Variants in CAMK1D observed in about 807,000 individuals in gnomAD.
CAMK1D encodes calcium/calmodulin-dependent protein kinase type 1D.
CAMK1D carries 9 observed loss-of-function variants against 47.7 expected under a neutral mutation model. The observed-to-expected ratio is 0.19, with a 90% CI of 0.11 to 0.33. The LOEUF is 0.33. CAMK1D is among the 10% of genes least tolerant of loss of function. The pLI, the probability that CAMK1D is intolerant of heterozygous loss-of-function variation, is 1.00. For missense variants in CAMK1D, 291 were observed against 488.7 expected (o/e 0.60, Z 3.81); for synonymous variants, 184 against 184.9 (o/e 0.99, Z 0.04).
At chr10:12,721,428 TG>T (rs1461691666) in intron 3 of CAMK1D, among the ~76,000 whole-genome samples, 7 of 152,188 alleles carry the variant, frequency 4.6e-5, no homozygotes, top group Non-Finnish European at 1.0e-4. Context: ...TTAGCACTGT[TG>T]GGAGCAGATC....
intron 1 of CAMK1D, among the ~76,000 whole-genome samples, chr10:12,502,762 C>T (rs2399844): frequency 0.25 from 38,184 of 152,140 alleles, 4,965 homozygotes; most frequent in East Asian, 0.3. Flanking sequence ...AGGCAGAGCG[C>T]TGGGAAGGAG....
chr10:12,641,750 A>C (rs1174259058), intron 2 of CAMK1D, among the ~76,000 whole-genome samples: 4 of 152,196 alleles, frequency 2.6e-5, no homozygotes, highest in African/African-American at 9.6e-5. Context: ...AAACCTTAAG[A>C]AAAGGACGCA....
At chr10:12,810,933 T>C (rs191191110) in intron 6 of CAMK1D, among the ~76,000 whole-genome samples, 3 of 152,314 alleles carry the variant, frequency 2.0e-5, no homozygotes, top group Admixed American at 2.0e-4. Flanking sequence ...CTGGGCCTCA[T>C]TGCAGCTGAG....
At chr10:12,757,048 T>G (rs1836263230) in intron 3 of CAMK1D, among the ~76,000 whole-genome samples, 1 of 152,254 alleles carries the variant, frequency 6.6e-6, no homozygotes, top group Non-Finnish European at 1.5e-5. Flanking sequence ...TTCTGCTTCC[T>G]TAATCTTTGC....
intron 2 of CAMK1D, among the ~76,000 whole-genome samples, chr10:12,568,093 C>CTGCCTGCCCTCCCACCTTGCT (rs1837181204): frequency 6.7e-6 from 1 of 150,244 alleles, no homozygotes; most frequent in South Asian, 2.2e-4. Flanking sequence ...CCCACCTTGC[C>CTGCCTGCCCTCCCACCTTGCT]TGCCTGTCTG....
chr10:12,769,108 C>T (rs1055789435), intron 4 of CAMK1D, among the ~76,000 whole-genome samples: 7 of 152,190 alleles, frequency 4.6e-5, no homozygotes, highest in African/African-American at 9.6e-5. Flanking sequence ...GGAAGTGCTG[C>T]GTCTTCCAAT....
chr10:12,765,958 CTTTTTTTTTTTTTT>C (rs147498267), intron 4 of CAMK1D, among the ~76,000 whole-genome samples: 1 of 86,506 alleles, frequency 1.2e-5, no homozygotes, highest in Non-Finnish European at 2.2e-5. Flanking sequence ...CCATCCTAAT[CTTTTTTTTTTTTTT>C]TTTTTTTTTT....
intron 2 of CAMK1D, among the ~76,000 whole-genome samples, chr10:12,651,932 C>G (rs1217514939): frequency 6.6e-6 from 1 of 151,994 alleles, no homozygotes; most frequent in African/African-American, 2.4e-5. Flanking sequence ...GTGCCCGCCA[C>G]CACGCCCCGC....
chr10:12,741,300 A>G (rs1442792702), intron 3 of CAMK1D, among the ~76,000 whole-genome samples: 1 of 152,188 alleles, frequency 6.6e-6, no homozygotes, highest in Non-Finnish European at 1.5e-5. Context: ...TGCTCTTGTA[A>G]CAGTTACGAA....
At chr10:12,525,534 A>T (rs1476174738) in intron 1 of CAMK1D, among the ~76,000 whole-genome samples, 1 of 152,092 alleles carries the variant, frequency 6.6e-6, no homozygotes, top group Non-Finnish European at 1.5e-5. Context: ...AAAAAATTTC[A>T]ATTATTCTGT....
chr10:12,448,873 C>T (rs376798483), intron 1 of CAMK1D, among the ~76,000 whole-genome samples: 14 of 152,088 alleles, frequency 9.2e-5, no homozygotes, highest in African/African-American at 2.2e-4. Context: ...CGCTGACTGT[C>T]GTGTAGGGCT....
At chr10:12,605,163 G>A (rs1275348083) in intron 2 of CAMK1D, among the ~76,000 whole-genome samples, 1 of 152,106 alleles carries the variant, frequency 6.6e-6, no homozygotes, top group East Asian at 1.9e-4. Context: ...TGGGATTAGA[G>A]GCATGAGCCA....
At position 12,694,203 on chromosome 10, in the gene CAMK1D, ATT is replaced by A. The variant is rs1833115348; in HGVS notation, c.299+27394_299+27395del. ...ATATATAATATAATATATATTATAT[ATT>A]ATGTATAATATAAAATATATATTAT... On this transcript the variant is annotated intron_variant, in intron 3 of 10. Transcript: ENST00000619168. Among the ~76,000 whole-genome samples, 4 of 64,712 alleles carry A rather than the reference ATT, an allele frequency of 6.2e-5. 1 individual carries two copies. The highest frequency in any genetic ancestry group is 1.0e-4 in the Non-Finnish European group (4 of 38,462). 42.5% of individuals were successfully genotyped at this position (64,712 alleles called of 152,430 possible).
chr10:12,553,131 A>C, intron 1 of CAMK1D, 94 bp from the exon 2 acceptor site: 5 of 1,593,306 alleles, frequency 3.1e-6, no homozygotes, highest in Non-Finnish European at 4.3e-6. Flanking sequence ...TGCCGTCGTT[A>C]TTGTTTACTC....
intron 3 of CAMK1D, among the ~76,000 whole-genome samples, chr10:12,739,286 C>T (rs966552683): frequency 2.0e-5 from 3 of 151,764 alleles, no homozygotes; most frequent in African/African-American, 4.8e-5. Flanking sequence ...GTTCCCCTCT[C>T]CCCCCGAGAC....
At chr10:12,430,722 T>A (rs1832442104) in intron 1 of CAMK1D, among the ~76,000 whole-genome samples, 1 of 152,092 alleles carries the variant, frequency 6.6e-6, no homozygotes, top group African/African-American at 2.4e-5. Flanking sequence ...GCTTGGAGCT[T>A]TGGTGCATAC....
intron 3 of CAMK1D, among the ~76,000 whole-genome samples, chr10:12,678,046 A>G (rs988924366): frequency 8.6e-5 from 13 of 151,918 alleles, no homozygotes; most frequent in Middle Eastern, 3.4e-3. Context: ...AAAAAAAGGC[A>G]TAATCTGGAG....
intron 1 of CAMK1D, among the ~76,000 whole-genome samples, chr10:12,402,629 G>A (rs566034039): frequency 3.2e-3 from 494 of 152,286 alleles, no homozygotes; most frequent in Non-Finnish European, 6.3e-3. Flanking sequence ...TAAGACTGGC[G>A]TTAGGGATTC....
At chr10:12,652,568 A>G (rs1304255434) in intron 2 of CAMK1D, among the ~76,000 whole-genome samples, 2 of 152,102 alleles carry the variant, frequency 1.3e-5, no homozygotes, top group African/African-American at 4.8e-5. Flanking sequence ...AGCCTGGGCG[A>G]CAGAGCGAGA....
Sources: allele counts gnomAD v4.1 joint callset (sites outside exome capture counted in the v4.1 genomes callset), GRCh38; gene constraint gnomAD v4.1.1; transcripts MANE v1.5; gene names NCBI Gene and HGNC (gene_info 2026-07-23, HGNC 2026-07-21).